Variants in IQCM observed in about 807,000 individuals in gnomAD.
The protein encoded by IQCM is IQ motif containing M.
In IQCM, 45 loss-of-function variants were observed where a neutral mutation model predicts 57.6. The observed-to-expected ratio is 0.78, with a 90% confidence interval of 0.62 to 1.00. The LOEUF is 1.00. Among genes scored for constraint, IQCM ranks in the 50% least tolerant of loss-of-function variants. IQCM has a pLI of 0.00. For missense variants in IQCM, 468 were observed against 511.6 expected (o/e 0.91, Z 0.82); for synonymous variants, 148 against 158.9 (o/e 0.93, Z 0.51).
intron 2 of IQCM, among the ~76,000 whole-genome samples, chr4:149,806,538 T>C (rs2150059110): frequency 6.6e-6 from 1 of 152,144 alleles, no homozygotes; most frequent in East Asian, 1.9e-4. Context: ...CTTCATGAGA[T>C]ACATTTGTTT....
intron 12 of IQCM, among the ~76,000 whole-genome samples, chr4:149,513,040 G>T (rs1222816677): frequency 6.6e-6 from 1 of 152,128 alleles, no homozygotes; most frequent in African/African-American, 2.4e-5. Flanking sequence ...ACTATTTGTA[G>T]CCCAAATTCA....
chr4:149,672,789 A>G (rs1398988086), intron 7 of IQCM, among the ~76,000 whole-genome samples: 5 of 152,054 alleles, frequency 3.3e-5, no homozygotes, highest in Non-Finnish European at 5.9e-5. Context: ...CCACAAAGAT[A>G]CTCCTCGAGA....
chr4:149,561,492 A>G (rs1027794917), intron 10 of IQCM, among the ~76,000 whole-genome samples: 3 of 152,180 alleles, frequency 2.0e-5, no homozygotes, highest in Non-Finnish European at 4.4e-5. Flanking sequence ...GTATTTGTGG[A>G]GTGCCTACAT....
intron 9 of IQCM, among the ~76,000 whole-genome samples, chr4:149,585,906 C>A (rs529759290): frequency 6.6e-6 from 1 of 151,742 alleles, no homozygotes; most frequent in Non-Finnish European, 1.5e-5. Context: ...CTTCAGCCAT[C>A]ATTCTTTAAA....
chr4:149,426,641 G>A (rs1174167407), intron 13 of IQCM, among the ~76,000 whole-genome samples: 1 of 151,842 alleles, frequency 6.6e-6, no homozygotes, highest in Admixed American at 6.6e-5. Flanking sequence ...TACTCACATA[G>A]AACTCAGTGA....
At chr4:149,482,769 T>C (rs1248905065) in intron 12 of IQCM, among the ~76,000 whole-genome samples, 1 of 151,798 alleles carries the variant, frequency 6.6e-6, no homozygotes, top group East Asian at 1.9e-4. Flanking sequence ...TTGGTTTTGG[T>C]ATCAGGGTAA....
intron 9 of IQCM, among the ~76,000 whole-genome samples, chr4:149,574,163 A>G (rs893146246): frequency 6.6e-6 from 1 of 152,018 alleles, no homozygotes; most frequent in Non-Finnish European, 1.5e-5. Flanking sequence ...ACTGTCAGAT[A>G]CATGGAGACT....
At chr4:149,567,793 A>G (rs1028748533) in intron 9 of IQCM, among the ~76,000 whole-genome samples, 2 of 152,100 alleles carry the variant, frequency 1.3e-5, no homozygotes, top group African/African-American at 4.8e-5. Context: ...ATGACAAGGT[A>G]TGTCTTGTGT....
intron 2 of IQCM, among the ~76,000 whole-genome samples, chr4:149,802,259 C>T (rs979040210): frequency 6.6e-6 from 1 of 151,638 alleles, no homozygotes; most frequent in Non-Finnish European, 1.5e-5. Context: ...TTTCATCTGA[C>T]GAATGTAAGC....
intron 12 of IQCM, among the ~76,000 whole-genome samples, chr4:149,454,165 TATAC>T (rs1373419587): frequency 2.5e-4 from 36 of 146,864 alleles, no homozygotes; most frequent in African/African-American, 6.5e-4. Flanking sequence ...TATATATATA[TATAC>T]ACACACACAC....
At chr4:149,410,513 A>C (rs1405750166) in intron 13 of IQCM, among the ~76,000 whole-genome samples, 2 of 150,360 alleles carry the variant, frequency 1.3e-5, no homozygotes, top group South Asian at 2.1e-4. Context: ...TAAATAACTA[A>C]AATTTATGTA....
chr4:149,676,498 A>G (rs1405462741), intron 7 of IQCM, among the ~76,000 whole-genome samples: 1 of 152,082 alleles, frequency 6.6e-6, no homozygotes, highest in Non-Finnish European at 1.5e-5. Flanking sequence ...TATGCACTTG[A>G]CAAGCATTAT....
rs539716079 is a variant in IQCM, at chr4:149,455,447, T to C, written c.1229-21890A>G. On this transcript the variant is annotated intron_variant, in intron 12 of 13. Transcript: ENST00000636793. Reference sequence around the variant, plus strand: ...CCTTGGTAGAACATATGACTGTTCATGTATTTACGACCACCTTCCTCAATA... The same window carrying C: ...CCTTGGTAGAACATATGACTGTTCACGTATTTACGACCACCTTCCTCAATA... Among the ~76,000 whole-genome samples, 11 of 152,182 alleles carry C rather than the reference T, an allele frequency of 7.2e-5. No individual in the cohort carries two copies. The East Asian group carries it at 1.7e-3, about 24-fold the overall frequency.
intron 12 of IQCM, among the ~76,000 whole-genome samples, chr4:149,463,874 A>C (rs1342774670): frequency 6.6e-6 from 1 of 152,212 alleles, no homozygotes; most frequent in East Asian, 1.9e-4. Context: ...TGGAGAAATA[A>C]CTGAGACTTA....
At chr4:149,751,653 C>T (rs923484894) in intron 2 of IQCM, among the ~76,000 whole-genome samples, 16 of 152,308 alleles carry the variant, frequency 1.1e-4, no homozygotes, top group Admixed American at 2.6e-4. Context: ...TGTCTAAAAA[C>T]ATTTATGACA....
intron 12 of IQCM, among the ~76,000 whole-genome samples, chr4:149,522,780 T>G (rs1340621712): frequency 6.6e-6 from 1 of 152,194 alleles, no homozygotes; most frequent in African/African-American, 2.4e-5. Flanking sequence ...TTGCTTGAAT[T>G]AATCCAAACT....
At chr4:149,673,352 A>G (rs1338546475) in intron 7 of IQCM, among the ~76,000 whole-genome samples, 3 of 152,022 alleles carry the variant, frequency 2.0e-5, no homozygotes, top group Non-Finnish European at 4.4e-5. Flanking sequence ...GTCAAGATCC[A>G]TCAGTGTGCT....
At chr4:149,759,960 C>T (rs919598626) in intron 2 of IQCM, among the ~76,000 whole-genome samples, 1 of 151,290 alleles carries the variant, frequency 6.6e-6, no homozygotes, top group Non-Finnish European at 1.5e-5. Context: ...AAAATCAAAA[C>T]TAGTTCTTTG....
rs182625005 is a variant in IQCM at position 149,649,075 on chromosome 4, A to G, written c.566-27831T>C. Among the ~76,000 whole-genome samples, 121 of 152,256 alleles carry G rather than the reference A, an allele frequency of 7.9e-4. 1 individual carries two copies. Among genetic ancestry groups the G allele is most frequent in the Admixed American group, 7.9e-3 (121 of 15,284 alleles). On this transcript the variant is annotated intron_variant, in intron 7 of 13. Transcript: ENST00000636793. ...CCTGACCAAGCTAGGCTATGCATAC[A>G]CAAGGTGTAAATTCATGCAAGATTG...
Sources: gnomAD v4.1 joint callset for allele counts (sites outside exome capture counted in the v4.1 genomes callset) on GRCh38, gnomAD v4.1.1 for gene constraint, MANE v1.5 for transcripts, NCBI Gene and HGNC (gene_info 2026-07-23, HGNC 2026-07-21) for gene names.